The following TTBK1 variants were observed in gnomAD, a reference collection of about 807,000 sequenced individuals.
TTBK1 encodes the protein tau tubulin kinase 1, also known as tau-tubulin kinase 1.
TTBK1 carries 34 observed loss-of-function variants against 108.5 expected under a neutral mutation model. The ratio of observed to expected loss-of-function variants is 0.31; its 90% CI spans 0.24 to 0.42. The LOEUF (loss-of-function observed/expected upper bound fraction) is 0.42. Ranked by LOEUF, TTBK1 falls within the 10% of genes least tolerant of loss-of-function variation. The probability of loss-of-function intolerance (pLI) is 1.00; values close to 1 mark genes in which losing one functional copy is unlikely to be tolerated. For missense variants in TTBK1, 1,539 were observed against 1,826.0 expected (o/e 0.84, Z 2.86); for synonymous variants, 809 against 795.1 (o/e 1.02, Z -0.29).
At chr6:43,280,069 GC>G (rs139666712) in intron 13 of TTBK1, among the ~76,000 whole-genome samples, 8,578 of 135,362 alleles carry the variant, frequency 0.063, 291 homozygotes, top group South Asian at 0.13. Flanking sequence ...TCCCTACCTG[GC>G]CCAAACAGGG....
chr6:43,266,998 CGTGTGTGTGT>C (rs3997628), intron 13 of TTBK1, among the ~76,000 whole-genome samples: 17,099 of 128,098 alleles, frequency 0.13, 1,134 homozygotes, highest in South Asian at 0.19. Flanking sequence ...CTGGAGCATG[CGTGTGTGTGT>C]GTGTGTGTGT....
chr6:43,283,480 G>A lies in TTBK1; in HGVS notation c.2740G>A (p.Gly914Arg), dbSNP rs751716647. 1.1e-5 allele frequency: 18 copies of A among 1,613,984 alleles called. No individual in the cohort carries two copies. The highest frequency in any genetic ancestry group is 2.2e-5 in the East Asian group (1 of 44,892). The change falls in exon 14 of 15, where the codon GGG becomes AGG. Residue 914 changes from glycine to arginine, a missense_variant. Physicochemically the swap from Gly to Arg is moderately radical, Grantham distance 125. This residue lies in a region of TTBK1 where 1,055 missense variants were observed against 1,086.5 expected (regional missense o/e 0.97). Coordinates refer to ENST00000259750, the MANE Select transcript of TTBK1 (RefSeq NM_032538.3). This position sits in a 1 kb window ranked among gnomAD's most constrained non-coding sequence, Gnocchi z 8.1. Reference sequence around the variant, plus strand: ...GGCCGGGACAGTGACCACAGGGGTCGGGGGCGTGGCAGTCACCTCCTCACC... The same window carrying A: ...GGCCGGGACAGTGACCACAGGGGTCAGGGGCGTGGCAGTCACCTCCTCACC... ...LGAGTVTTGV[G>R]GVAVTSSPFT...
Position 43,269,831 on chromosome 6 carries a change from G to A in TTBK1, c.1986+6481G>A. On this transcript the variant is annotated intron_variant, in intron 13 of 14. Coordinates refer to ENST00000259750, the MANE Select transcript of TTBK1 (RefSeq NM_032538.3). This position sits in a 1 kb window ranked among gnomAD's most constrained non-coding sequence, Gnocchi z 4.8. ...GCTCGGCTGAGAGCAGCCCTGTGCG[G>A]GCGCCCCACCGGCGCCACGCGCCCC... The A allele has an allele frequency of 1.3e-6, 2 of 1,537,118 alleles. No individual in the cohort carries two copies. The highest frequency in any genetic ancestry group is 1.7e-6 in the Non-Finnish European group (2 of 1,147,008).
intron 2 of TTBK1, among the ~76,000 whole-genome samples, chr6:43,247,394 G>C (rs1205489395): frequency 6.6e-6 from 1 of 152,150 alleles, no homozygotes; most frequent in Non-Finnish European, 1.5e-5. Context: ...GCCTCGGAGC[G>C]GGGGCGTGAG....
At chr6:43,245,637 G>A (rs1422159879) in intron 1 of TTBK1, among the ~76,000 whole-genome samples, 5 of 151,960 alleles carry the variant, frequency 3.3e-5, no homozygotes, top group East Asian at 1.9e-4. Flanking sequence ...GCATTTCTCC[G>A]GTAACATGTG....
At position 43,259,748 on chromosome 6, in the gene TTBK1, C is replaced by G; in HGVS notation, c.1424+42C>G. 3 of 1,493,006 alleles carry G rather than the reference C, an allele frequency of 2.0e-6. No homozygotes were observed. The highest frequency in any genetic ancestry group is 5.0e-5 in the East Asian group (2 of 40,264). 92.5% of individuals were successfully genotyped at this position (1,493,006 alleles called of 1,614,324 possible). A position where few individuals can be genotyped will look rare whatever the true frequency, so the allele number is the denominator to read the frequency against. On this transcript the variant is annotated intron_variant, in intron 12 of 14. Coordinates refer to ENST00000259750, the MANE Select transcript of TTBK1 (RefSeq NM_032538.3). This position sits in a 1 kb window ranked among gnomAD's most constrained non-coding sequence, Gnocchi z 6.7. ...GGGCATGGTTGGGGCCCAAGGCCCT[C>G]TCCGCCTTCACGTGGCTGGTCTGGA...
In TTBK1 at chr6:43,243,923, C is replaced by G. The variant is rs1427692476; in HGVS notation, c.-55+215C>G. ...AGCACACAGACCTCCCTCCCCAACC[C>G]GTCCTCCGGGCACTTTGCTCCTCCC... On this transcript the variant is annotated intron_variant, in intron 1 of 14. Transcript: ENST00000259750. This position sits in a 1 kb window ranked among gnomAD's most constrained non-coding sequence, Gnocchi z 5.5. Among the ~76,000 whole-genome samples, 1 of 152,132 alleles carries G rather than the reference C, an allele frequency of 6.6e-6. No individual in the cohort carries two copies. Among genetic ancestry groups the G allele is most frequent in the South Asian group, 2.1e-4 (1 of 4,834 alleles).
rs1778357814 is a variant in TTBK1, at chr6:43,285,614, C to G, written c.*238C>G. On this transcript the variant is annotated 3_prime_UTR_variant, in exon 15 of 15. Transcript: ENST00000259750. This position sits in a 1 kb window ranked among gnomAD's most constrained non-coding sequence, Gnocchi z 4.7. Reference sequence around the variant, plus strand: ...GGAGGGTCTGCCTCCCCTTCCTCGCCCTGTGTCCTCTCATCCTCCCGCCGC... The same window carrying G: ...GGAGGGTCTGCCTCCCCTTCCTCGCGCTGTGTCCTCTCATCCTCCCGCCGC... The G allele has an allele frequency of 2.7e-6, 1 of 367,572 alleles. No individual in the cohort carries two copies. Among genetic ancestry groups the G allele is most frequent in the East Asian group, 4.7e-5 (1 of 21,318 alleles). 22.8% of individuals were successfully genotyped at this position (367,572 alleles called of 1,614,324 possible). A position where few individuals can be genotyped will look rare whatever the true frequency, so the allele number is the denominator to read the frequency against.
In TTBK1 at chr6:43,282,779, C is replaced by G. The variant is rs1472998933; in HGVS notation, c.2039C>G (p.Pro680Arg). Residue 680 changes from proline to arginine, a missense_variant, in exon 14 of 15, where the codon CCT becomes CGT. Coordinates refer to ENST00000259750, the MANE Select transcript of TTBK1 (RefSeq NM_032538.3). This position sits in a 1 kb window ranked among gnomAD's most constrained non-coding sequence, Gnocchi z 5.4. ...FEVNGLPRAV[P>R]LSLPYQDFKR... ...GTGAATGGCCTCCCACGAGCTGTGC[C>G]TCTGAGTCTGCCCTACCAGGACTTC... is the stretch of plus-strand genomic sequence containing the variant. 6.2e-7 allele frequency: 1 copy of G among 1,613,796 alleles called. No homozygotes were observed. The highest frequency in any genetic ancestry group is 8.5e-7 in the Non-Finnish European group (1 of 1,179,908).
rs867888495 is a variant in TTBK1 at position 43,253,035 on chromosome 6, G to A, written c.256+149G>A. On this transcript the variant is annotated intron_variant, in intron 3 of 14. Coordinates refer to ENST00000259750, the MANE Select transcript of TTBK1 (RefSeq NM_032538.3). The surrounding 1 kb of genome is among the most constrained non-coding windows in gnomAD (Gnocchi z 5.8). ...AGCCAGGAGCTAAGGGGGAGGTGAC[G>A]GAGCCAGAGTCTAGGAGAGATGGGA... The A allele has an allele frequency of 6.5e-5, 70 of 1,071,296 alleles. No individual in the cohort carries two copies. In the African/African-American group the frequency reaches 8.4e-4, roughly 13 times the overall value. The allele number at this position is 1,071,296 out of a possible 1,614,324, so 66.4% of individuals were successfully genotyped here. A position where few individuals can be genotyped will look rare whatever the true frequency, so the allele number is the denominator to read the frequency against.
In TTBK1 at chr6:43,273,839, G is replaced by A. The variant is rs1777893648; in HGVS notation, c.1987-8888G>A. ...ACCAAAATGGTTTACAGGCAGAGGTGGCCTAAACTCATTTTGCAACCACTG... is the reference window on the plus strand; with the variant it reads ...ACCAAAATGGTTTACAGGCAGAGGTAGCCTAAACTCATTTTGCAACCACTG... On this transcript the variant is annotated intron_variant, in intron 13 of 14. Coordinates refer to ENST00000259750, the MANE Select transcript of TTBK1 (RefSeq NM_032538.3). This position sits in a 1 kb window ranked among gnomAD's most constrained non-coding sequence, Gnocchi z 4.2. 6.6e-6 allele frequency among the ~76,000 whole-genome samples: 1 copy of A among 152,214 alleles called. No individual in the cohort carries two copies. The highest frequency in any genetic ancestry group is 1.5e-5 in the Non-Finnish European group (1 of 68,042).
intron 13 of TTBK1, chr6:43,272,499 G>A: frequency 1.0e-6 from 1 of 985,450 alleles, no homozygotes; most frequent in South Asian, 4.7e-5. Flanking sequence ...GACACCTGTG[G>A]GAGAGGGTGT....
intron 1 of TTBK1, among the ~76,000 whole-genome samples, chr6:43,246,178 C>T (rs1283385992): frequency 2.0e-5 from 3 of 152,178 alleles, no homozygotes; most frequent in African/African-American, 7.2e-5. Flanking sequence ...AGCAGGTCTT[C>T]CCTTTTCACT....
chr6:43,251,758 C>T (rs1777247069), intron 2 of TTBK1, among the ~76,000 whole-genome samples: 1 of 152,242 alleles, frequency 6.6e-6, no homozygotes, highest in Non-Finnish European at 1.5e-5. Flanking sequence ...GGTCCCACCA[C>T]GCTCTCACAG....
rs777405993 is a variant in TTBK1, at chr6:43,284,051, G to T, written c.3311G>T (p.Arg1104Leu). 1 of 1,545,492 alleles carries T rather than the reference G, an allele frequency of 6.5e-7. No individual in the cohort carries two copies. The highest frequency in any genetic ancestry group is 1.4e-5 in the African/African-American group (1 of 73,252). Residue 1104 changes from arginine (R) to leucine (L), a missense_variant, in exon 14 of 15, where the codon CGG becomes CTG. Physicochemically the swap from Arg to Leu is moderately radical, Grantham distance 102. This residue lies in a region of TTBK1 where 1,055 missense variants were observed against 1,086.5 expected (regional missense o/e 0.97). Transcript: ENST00000259750. ...MEKRQGRLLL[R>L]LASGASSSSS... is the part of the protein sequence containing the mutation. ...AAGAGGCAGGGCCGCCTGCTGTTGCGGCTGGCCTCAGGGGCCTCGTCCTCC... is the reference window on the plus strand; with the variant it reads ...AAGAGGCAGGGCCGCCTGCTGTTGCTGCTGGCCTCAGGGGCCTCGTCCTCC...
intron 13 of TTBK1, chr6:43,272,168 T>C (rs1052986889): frequency 2.9e-5 from 29 of 985,326 alleles, no homozygotes; most frequent in Non-Finnish European, 3.4e-5. Context: ...GCCCACCATC[T>C]GCTCCATAAG....
rs1287094129 is a variant in TTBK1, at chr6:43,285,062, C to T, written c.3652C>T (p.Pro1218Ser). 1 of 1,501,822 alleles carries T rather than the reference C, an allele frequency of 6.7e-7. No individual in the cohort carries two copies. Among genetic ancestry groups the T allele is most frequent in the Admixed American group, 2.2e-5 (1 of 45,938 alleles). 93.0% of individuals were successfully genotyped at this position (1,501,822 alleles called of 1,614,324 possible). A position where few individuals can be genotyped will look rare whatever the true frequency, so the allele number is the denominator to read the frequency against. ...ACAACCTCCTGGCCGCGGCCTGGGC[C>T]CAGGGCGAGCCCAAGCCGGAGCCAG... ...PKQPPGRGLG[P>S]GRAQAGARPP... The change falls in exon 15 of 15, where the codon CCA becomes TCA. Residue 1218 changes from proline (P) to serine (S), a missense_variant. Pro to Ser is a moderately conservative substitution (Grantham distance 74). Around this residue, in one of 5 missense-constraint regions of TTBK1, gnomAD observed 1,055 missense variants for 1,086.5 expected, o/e 0.97. Transcript: ENST00000259750. This position sits in a 1 kb window ranked among gnomAD's most constrained non-coding sequence, Gnocchi z 4.7.
chr6:43,283,116 G>A lies in TTBK1; in HGVS notation c.2376G>A (p.Gly792=), dbSNP rs1305554233. The A allele has an allele frequency of 6.3e-7, 1 of 1,577,852 alleles. No individual in the cohort carries two copies. Among genetic ancestry groups the A allele is most frequent in the Non-Finnish European group, 8.6e-7 (1 of 1,162,448 alleles). The part of the protein sequence containing the change: ...LGPRSGSSSE[G]SERSTDRSQE... ...CTCGTAGTGGCTCCAGCAGTGAGGG[G>A]AGTGAGAGGAGCACTGACCGGAGCC... Residue 792 remains glycine, a synonymous_variant, in exon 14 of 15, where the codon GGG becomes GGA. Transcript: ENST00000259750. This position sits in a 1 kb window ranked among gnomAD's most constrained non-coding sequence, Gnocchi z 8.1.
At chr6:43,278,124 T>G (rs1778058314) in intron 13 of TTBK1, among the ~76,000 whole-genome samples, 1 of 151,812 alleles carries the variant, frequency 6.6e-6, no homozygotes, top group South Asian at 2.1e-4. Context: ...TGTGTGGGGG[T>G]TAAGGGTGGG....
Sources: allele counts gnomAD v4.1 joint callset (sites outside exome capture counted in the v4.1 genomes callset), GRCh38; gene constraint gnomAD v4.1.1; regional missense constraint gnomAD v4.1.1; non-coding constraint Gnocchi (gnomAD v3.1); transcripts MANE v1.5; gene names NCBI Gene and HGNC (gene_info 2026-07-23, HGNC 2026-07-21).